Variants in KANK1 observed in about 807,000 individuals in gnomAD.
The protein encoded by KANK1 is KN motif and ankyrin repeat domain-containing protein 1.
KANK1 carries 109 observed loss-of-function variants against 106.2 expected under a neutral mutation model. The ratio of observed to expected loss-of-function variants is 1.03; its 90% CI spans 0.88 to 1.20. KANK1 has a LOEUF of 1.20. Among genes scored for constraint, KANK1 ranks in the 50% most tolerant of loss-of-function variants. KANK1 has a pLI of 0.00. For synonymous variants in KANK1, 873 were observed against 652.2 expected (o/e 1.34, Z -5.16); for missense variants, 2,399 against 1,710.7 (o/e 1.40, Z -7.10).
intron 1 of KANK1, among the ~76,000 whole-genome samples, chr9:647,803 G>A (rs998596628): frequency 8.0e-5 from 12 of 150,352 alleles, no homozygotes; most frequent in African/African-American, 2.8e-4. Flanking sequence ...GCAGAGATAC[G>A]AAATAGCCCG....
intron 3 of KANK1, among the ~76,000 whole-genome samples, chr9:718,710 T>C (rs1025533784): frequency 1.4e-4 from 21 of 152,134 alleles, no homozygotes; most frequent in Non-Finnish European, 1.0e-4. Context: ...TTCAGCAGGA[T>C]TATTCTGTAC....
At position 711,218 on chromosome 9, in the gene KANK1, A is replaced by C; in HGVS notation, c.452A>C (p.Asn151Thr). The C allele has an allele frequency of 6.2e-7, 1 of 1,614,036 alleles. No individual in the cohort carries two copies. The highest frequency in any genetic ancestry group is 8.5e-7 in the Non-Finnish European group (1 of 1,180,002). Reference sequence around the variant, plus strand: ...CCCTCACCACAACTCCCAAAGCATAACCTTCATGTCACCAAGACACTGATG... The same window carrying C: ...CCCTCACCACAACTCCCAAAGCATACCCTTCATGTCACCAAGACACTGATG... The part of the protein sequence containing the change: ...PPPSPQLPKH[N>T]LHVTKTLMET... The change falls in exon 3 of 12, where the codon AAC (asparagine) becomes ACC (threonine). Residue 151 changes from asparagine to threonine, a missense_variant. Coordinates refer to ENST00000382297, the MANE Select transcript of KANK1 (RefSeq NM_015158.5).
At chr9:699,932 T>G (rs1479696070) in intron 2 of KANK1, among the ~76,000 whole-genome samples, 1 of 152,136 alleles carries the variant, frequency 6.6e-6, no homozygotes, top group Non-Finnish European at 1.5e-5. Context: ...CAGTGAGCTG[T>G]GATCGTGCCG....
intron 1 of KANK1, among the ~76,000 whole-genome samples, chr9:564,515 G>C (rs531051951): frequency 8.5e-5 from 13 of 152,322 alleles, no homozygotes; most frequent in African/African-American, 2.6e-4. Flanking sequence ...TATATGTTCA[G>C]ATTGTTTTAT....
intron 8 of KANK1, 32 bp downstream of exon 8, chr9:738,536 C>T (rs1297555960): frequency 1.9e-6 from 3 of 1,542,502 alleles, no homozygotes; most frequent in Admixed American, 3.3e-5. Context: ...CCTCTCTTCT[C>T]TAACAGTACT....
chr9:542,044 G>A (rs371768580), intron 1 of KANK1, among the ~76,000 whole-genome samples: 10 of 151,668 alleles, frequency 6.6e-5, no homozygotes, highest in South Asian at 6.3e-4. Context: ...AGCCGAGATC[G>A]CGCCACTGCA....
chr9:564,842 C>G (rs1209824846), intron 1 of KANK1, among the ~76,000 whole-genome samples: 5 of 152,214 alleles, frequency 3.3e-5, no homozygotes, highest in African/African-American at 1.2e-4. Flanking sequence ...TCATGTGAGT[C>G]TCATTGACAT....
intron 1 of KANK1, among the ~76,000 whole-genome samples, chr9:526,210 C>G (rs977007972): frequency 6.6e-6 from 1 of 151,802 alleles, no homozygotes; most frequent in Non-Finnish European, 1.5e-5. Flanking sequence ...CTGGTGCTGT[C>G]TCTCAGGCAT....
intron 1 of KANK1, among the ~76,000 whole-genome samples, chr9:589,474 G>A (rs1361237801): frequency 1.3e-5 from 2 of 152,146 alleles, no homozygotes; most frequent in Non-Finnish European, 2.9e-5. Flanking sequence ...TTGGGGTAAG[G>A]AAACTTAGAT....
At chr9:515,344 CAAA>C (rs1305073521) in intron 1 of KANK1, among the ~76,000 whole-genome samples, 2 of 85,676 alleles carry the variant, frequency 2.3e-5, no homozygotes. Flanking sequence ...GACTCCTTCT[CAAA>C]AAAAAAAAAA....
At chr9:699,530 T>TTA (rs760758537) in intron 2 of KANK1, among the ~76,000 whole-genome samples, 1 of 151,994 alleles carries the variant, frequency 6.6e-6, no homozygotes, top group Non-Finnish European at 1.5e-5. Flanking sequence ...CCAGATAAGA[T>TTA]TATCTGTGAG....
chr9:621,355 GTCT>G (rs1486887987), intron 1 of KANK1, among the ~76,000 whole-genome samples: 4 of 152,120 alleles, frequency 2.6e-5, no homozygotes, highest in Admixed American at 6.5e-5. Flanking sequence ...TGTGAGCAAA[GTCT>G]TCATATGCAC....
At chr9:691,272 C>T (rs574220590) in intron 2 of KANK1, among the ~76,000 whole-genome samples, 25 of 149,802 alleles carry the variant, frequency 1.7e-4, no homozygotes, top group African/African-American at 6.1e-4. Context: ...TAAACTCTTA[C>T]CAGAACACAA....
At chr9:640,788 C>T (rs1361416883) in intron 1 of KANK1, among the ~76,000 whole-genome samples, 3 of 151,314 alleles carry the variant, frequency 2.0e-5, no homozygotes, top group African/African-American at 7.3e-5. Context: ...GCTCTGCCTG[C>T]CGGGTCCACA....
chr9:676,819 C>T (rs1265087101), intron 1 of KANK1, 71 bp from the exon 2 acceptor site: 5 of 606,218 alleles, frequency 8.2e-6, no homozygotes, highest in East Asian at 5.6e-5. Context: ...TCTTTGTAAA[C>T]AGAAGTCTAA....
At chr9:718,334 A>G (rs947913471) in intron 3 of KANK1, among the ~76,000 whole-genome samples, 4 of 132,380 alleles carry the variant, frequency 3.0e-5, no homozygotes, top group Non-Finnish European at 6.3e-5. Flanking sequence ...TACTCTTAAG[A>G]CAGGGTCTCA....
chr9:477,404 C>T (rs996961531), intron 3 of KANK1, among the ~76,000 whole-genome samples: 1 of 151,776 alleles, frequency 6.6e-6, no homozygotes, highest in African/African-American at 2.4e-5. Context: ...AAAGGATTTT[C>T]TAGATTCCTA....
chr9:598,260 T>C (rs560804165), intron 1 of KANK1, among the ~76,000 whole-genome samples: 10 of 151,980 alleles, frequency 6.6e-5, no homozygotes, highest in African/African-American at 2.2e-4. Context: ...TTTTGATTAC[T>C]GTAGCTTTGT....
At chr9:479,087 C>G (rs1037361138) in intron 3 of KANK1, among the ~76,000 whole-genome samples, 3 of 152,104 alleles carry the variant, frequency 2.0e-5, no homozygotes, top group Admixed American at 6.6e-5. Context: ...AAATACTTCT[C>G]TTTCACTTGT....
Sources: allele counts gnomAD v4.1 joint callset (sites outside exome capture counted in the v4.1 genomes callset), GRCh38; gene constraint gnomAD v4.1.1; transcripts MANE v1.5; gene names NCBI Gene and HGNC (gene_info 2026-07-23, HGNC 2026-07-21).